ARHGEF12: variants seen among roughly 807,000 people sequenced by gnomAD.
ARHGEF12 encodes the protein KMT2A/ARHGEF12 fusion protein.
In ARHGEF12, 66 loss-of-function variants were observed where a neutral mutation model predicts 211.2. The observed-to-expected ratio is 0.31, with a 90% CI of 0.26 to 0.38. The LOEUF is 0.38. ARHGEF12 is among the 10% of genes least tolerant of loss of function. The pLI is 1.00. For synonymous variants in ARHGEF12, 592 were observed against 638.4 expected (o/e 0.93, Z 1.09); for missense variants, 1,429 against 1,869.5 (o/e 0.76, Z 4.34).
intron 27 of ARHGEF12, chr11:120,462,977 G>T (rs556245839): frequency 1.3e-4 from 20 of 152,326 alleles, no homozygotes; most frequent in African/African-American, 4.6e-4. Flanking sequence ...GTGAGCCACA[G>T]CTCCTGGTCA....
chr11:120,385,851 G>C (rs898595852), intron 1 of ARHGEF12, among the ~76,000 whole-genome samples: 6 of 152,066 alleles, frequency 3.9e-5, no homozygotes, highest in Non-Finnish European at 7.4e-5. Flanking sequence ...TTGAATCTTA[G>C]AGACTTTGAC....
intron 1 of ARHGEF12, among the ~76,000 whole-genome samples, chr11:120,394,553 GA>G (rs890849065): frequency 1.8e-4 from 26 of 142,904 alleles, no homozygotes; most frequent in South Asian, 4.4e-4. Flanking sequence ...GCAAGCAGAA[GA>G]AAAAAAAAAT....
At chr11:120,476,155 C>G (rs1415520235) in intron 33 of ARHGEF12, 1 of 153,314 alleles carries the variant, frequency 6.5e-6, no homozygotes, top group Non-Finnish European at 1.5e-5. Context: ...ACTGCAACCT[C>G]CACATCCCAG....
In ARHGEF12 at chr11:120,455,619, A is replaced by G. The variant is rs78719130; in HGVS notation, c.2057-1499A>G. 2.8e-3 allele frequency among the ~76,000 whole-genome samples: 427 copies of G among 152,356 alleles called. 1 individual carries two copies. The highest frequency in any genetic ancestry group is 9.6e-3 in the African/African-American group (398 of 41,584). On this transcript the variant is annotated intron_variant, in intron 22 of 40. Transcript: ENST00000397843. The stretch of plus-strand genomic sequence containing the variant: ...GCAACATGAGAGGAAAAATTAAGAA[A>G]GAAAATGTCCTGGGATCCAGGAAAC...
intron 1 of ARHGEF12, among the ~76,000 whole-genome samples, chr11:120,380,262 C>G (rs1943841807): frequency 6.6e-6 from 1 of 152,130 alleles, no homozygotes; most frequent in Non-Finnish European, 1.5e-5. Context: ...CCTAGTTTTC[C>G]TGATTGCTGA....
chr11:120,460,815 A>G (rs1300528979), intron 27 of ARHGEF12, 58 bp downstream of exon 27: 1 of 1,407,848 alleles, frequency 7.1e-7, no homozygotes, highest in Non-Finnish European at 1.0e-6. Context: ...GGTTAGATTC[A>G]AGTTGAGTAA....
In ARHGEF12 at chr11:120,405,505, G is replaced by A. The variant is rs147998184; in HGVS notation, c.33-613G>A. On this transcript the variant is annotated intron_variant, in intron 1 of 40. Coordinates refer to ENST00000397843, the MANE Select transcript of ARHGEF12 (RefSeq NM_015313.3). ...TTTCTACTTTTGGAAGGTATTTTTT[G>A]TAACCGATAATTACTTTAATGTTAA... is the stretch of plus-strand genomic sequence containing the variant. 2.6e-3 allele frequency among the ~76,000 whole-genome samples: 398 copies of A among 152,160 alleles called. 5 individuals carry two copies. Among genetic ancestry groups the A allele is most frequent in the Admixed American group, 0.02 (304 of 15,286 alleles).
chr11:120,477,776 A>G, intron 36 of ARHGEF12: 1 of 382,710 alleles, frequency 2.6e-6, no homozygotes, highest in African/African-American at 2.1e-5. Context: ...TGAGGCAGGG[A>G]GAATTGCTTG....
intron 4 of ARHGEF12, among the ~76,000 whole-genome samples, chr11:120,416,422 C>G (rs972203363): frequency 1.3e-5 from 2 of 152,058 alleles, no homozygotes; most frequent in African/African-American, 2.4e-5. Flanking sequence ...AGTAGGAGTA[C>G]ACAGAGGGTG....
chr11:120,446,381 A>T (rs370639210), intron 16 of ARHGEF12, 22 bp from the exon 17 acceptor site: 7 of 1,585,114 alleles, frequency 4.4e-6, no homozygotes, highest in South Asian at 1.1e-5. Context: ...TTTAGATAAC[A>T]TAATTCCTTT....
intron 7 of ARHGEF12, among the ~76,000 whole-genome samples, chr11:120,427,285 TTGTG>T (rs1945374648): frequency 6.6e-6 from 1 of 152,230 alleles, no homozygotes; most frequent in South Asian, 2.1e-4. Context: ...TTATTATTGA[TTGTG>T]TTTTTCCCTG....
In ARHGEF12 at chr11:120,480,231, G is replaced by C; in HGVS notation, c.4038G>C (p.Gln1346His). Residue 1346 changes from glutamine to histidine, a missense_variant, in exon 38 of 41, where the codon CAG becomes CAC. Gln to His is a conservative substitution (Grantham distance 24). Transcript: ENST00000397843. ...GGGATTCAGTGGGACTGGCACCCCA[G>C]GATAGCCAGGCAAGTAACATTTTAG... ...APRDSVGLAP[Q>H]DSQASNILVM... 1 of 1,614,172 alleles carries C rather than the reference G, an allele frequency of 6.2e-7. No individual in the cohort carries two copies. The highest frequency in any genetic ancestry group is 1.1e-5 in the South Asian group (1 of 91,082).
chr11:120,358,738 C>T (rs538711364), intron 1 of ARHGEF12, among the ~76,000 whole-genome samples: 1 of 152,232 alleles, frequency 6.6e-6, no homozygotes, highest in Non-Finnish European at 1.5e-5. Flanking sequence ...GATCATAGAA[C>T]GTTTTAAATT....
chr11:120,402,783 TG>T (rs1334917596), intron 1 of ARHGEF12, among the ~76,000 whole-genome samples: 1 of 152,172 alleles, frequency 6.6e-6, no homozygotes, highest in Non-Finnish European at 1.5e-5. Context: ...CTTTATGCAC[TG>T]AAATCAATAA....
chr11:120,392,607 G>A (rs980615162), intron 1 of ARHGEF12, among the ~76,000 whole-genome samples: 8 of 152,172 alleles, frequency 5.3e-5, no homozygotes, highest in African/African-American at 1.9e-4. Flanking sequence ...AAATCTAGAC[G>A]TAGGCTTCAG....
intron 1 of ARHGEF12, among the ~76,000 whole-genome samples, chr11:120,388,899 G>C (rs889201233): frequency 6.6e-6 from 1 of 151,534 alleles, no homozygotes; most frequent in African/African-American, 2.4e-5. Context: ...TTTTGCTCTT[G>C]TTTCCCAGGC....
intron 21 of ARHGEF12, chr11:120,450,096 T>C (rs914533708): frequency 2.6e-5 from 4 of 152,110 alleles, no homozygotes; most frequent in Non-Finnish European, 4.4e-5. Flanking sequence ...TGAAGCCAGG[T>C]GCGGTGACTC....
rs989908837 is a variant in ARHGEF12, at chr11:120,437,365, G to A, written c.982G>A (p.Glu328Lys). The A allele has an allele frequency of 6.2e-7, 1 of 1,612,720 alleles. No homozygotes were observed. The highest frequency in any genetic ancestry group is 1.1e-5 in the South Asian group (1 of 90,964). ...TCTAGAGGAAAACCCAGAGAAAAGT[G>A]AAACAATTCAGGACACTGTGAGTAT... is the stretch of plus-strand genomic sequence containing the variant. ...IYLEENPEKSETIQDTDTQSL... is the reference protein window; with the variant it reads ...IYLEENPEKSKTIQDTDTQSL... Residue 328 changes from glutamate (E) to lysine (K), a missense_variant, in exon 12 of 41, where the codon GAA becomes AAA. Coordinates refer to ENST00000397843, the MANE Select transcript of ARHGEF12 (RefSeq NM_015313.3).
rs775722078 is a variant in ARHGEF12, at chr11:120,477,492, G to A, written c.3498G>A (p.Gln1166=). The change falls in exon 36 of 41, where the codon CAG becomes CAA. Residue 1166 remains glutamine (Q), a synonymous_variant. Transcript: ENST00000397843. ...EEDPSKLKEE[Q]HGISVTGLQS... is the part of the protein sequence containing the mutation. ...ATCCTTCAAAATTAAAAGAGGAGCA[G>A]CATGGCATTTCAGTCACTGGTTTGC... 1.9e-6 allele frequency: 3 copies of A among 1,610,892 alleles called. No individual in the cohort carries two copies. In the South Asian group the frequency reaches 3.3e-5, roughly 18 times the overall value.
Sources: gnomAD v4.1 joint callset for allele counts (sites outside exome capture counted in the v4.1 genomes callset) on GRCh38, gnomAD v4.1.1 for gene constraint, MANE v1.5 for transcripts, NCBI Gene and HGNC (gene_info 2026-07-23, HGNC 2026-07-21) for gene names.